SIPA1L3: variants seen among roughly 807,000 people sequenced by gnomAD.
SIPA1L3 encodes signal induced proliferation associated 1 like 3.
In SIPA1L3, 59 loss-of-function variants were observed where a neutral mutation model predicts 150.1. That is an observed-to-expected ratio of 0.39 (90% CI 0.32 to 0.49). The LOEUF is 0.49. Ranked by LOEUF, SIPA1L3 falls within the 20% of genes least tolerant of loss-of-function variation. SIPA1L3 has a pLI of 0.86. For synonymous variants in SIPA1L3, 1,070 were observed against 1,077.6 expected (o/e 0.99, Z 0.14); for missense variants, 2,211 against 2,489.5 (o/e 0.89, Z 2.38).
At chr19:38,152,813 T>C in intron 12 of SIPA1L3, 27 bp from the exon 13 acceptor site, 1 of 1,595,398 alleles carries the variant, frequency 6.3e-7, no homozygotes, top group Non-Finnish European at 8.6e-7. Context: ...TCTTTAACCC[T>C]GGGCACGTTC....
intron 1 of SIPA1L3, among the ~76,000 whole-genome samples, chr19:38,025,084 C>T (rs1392295904): frequency 2.6e-5 from 4 of 152,198 alleles, no homozygotes; most frequent in Non-Finnish European, 4.4e-5. Flanking sequence ...AGTCCCCCTG[C>T]CTTACCACCC....
intron 9 of SIPA1L3, among the ~76,000 whole-genome samples, chr19:38,121,171 G>A (rs917181579): frequency 5.9e-5 from 9 of 151,624 alleles, no homozygotes; most frequent in South Asian, 2.1e-4. Flanking sequence ...GTGAGATGCC[G>A]TTTCTAAAAA....
At chr19:38,067,485 G>A (rs570320569) in intron 2 of SIPA1L3, among the ~76,000 whole-genome samples, 5 of 152,164 alleles carry the variant, frequency 3.3e-5, no homozygotes, top group South Asian at 4.1e-4. Flanking sequence ...ATCCTCAGCC[G>A]GGCGTGGTGG....
chr19:37,919,608 C>A (rs1453125611), intron 1 of SIPA1L3, among the ~76,000 whole-genome samples: 1 of 151,856 alleles, frequency 6.6e-6, no homozygotes, highest in Admixed American at 6.6e-5. Flanking sequence ...ACAAGCAGGA[C>A]CATTCTCACT....
At position 38,082,745 on chromosome 19, in the gene SIPA1L3, G is replaced by A. The variant is rs138009202; in HGVS notation, c.1180G>A (p.Gly394Ser). ...GGCCTCGCGGGCCCACAGCCTCGGAGGCCTGGACCCGGCCTTCACCAGCAC... is the reference window on the plus strand; with the variant it reads ...GGCCTCGCGGGCCCACAGCCTCGGAAGCCTGGACCCGGCCTTCACCAGCAC... ...LTASRAHSLG[G>S]LDPAFTSTED... The change falls in exon 3 of 22, where the codon GGC (glycine) becomes AGC (serine). Residue 394 changes from glycine to serine, a missense_variant. By Grantham distance (56) the Gly-to-Ser change is moderately conservative. Transcript: ENST00000222345. 1.3e-5 allele frequency: 21 copies of A among 1,612,822 alleles called. No individual in the cohort carries two copies. The African/African-American group carries it at 2.7e-4, about 20-fold the overall frequency.
chr19:37,910,912 T>A (rs190243546), intron 1 of SIPA1L3, among the ~76,000 whole-genome samples: 2 of 152,330 alleles, frequency 1.3e-5, no homozygotes, highest in Non-Finnish European at 2.9e-5. Flanking sequence ...TTCCTTTTTT[T>A]AAGGACTATT....
At chr19:38,166,222 A>T (rs1274757712) in intron 15 of SIPA1L3, among the ~76,000 whole-genome samples, 1 of 151,842 alleles carries the variant, frequency 6.6e-6, no homozygotes, top group African/African-American at 2.4e-5. Context: ...TTGGGAGGCC[A>T]AGGCGGGTGG....
chr19:37,919,692 T>C (rs1433316805), intron 1 of SIPA1L3, among the ~76,000 whole-genome samples: 3 of 149,828 alleles, frequency 2.0e-5, no homozygotes, highest in African/African-American at 7.4e-5. Flanking sequence ...CCAGGCCCCT[T>C]TGGGCCCTGA....
chr19:37,968,394 A>G (rs2046924924), intron 1 of SIPA1L3, among the ~76,000 whole-genome samples: 2 of 152,106 alleles, frequency 1.3e-5, no homozygotes, highest in Non-Finnish European at 2.9e-5. Context: ...TAATGGGACA[A>G]TTGCAGTCCT....
At chr19:38,154,062 C>T (rs753950943) in intron 13 of SIPA1L3, among the ~76,000 whole-genome samples, 2 of 152,148 alleles carry the variant, frequency 1.3e-5, no homozygotes, top group Non-Finnish European at 2.9e-5. Flanking sequence ...CCAGTTAGTA[C>T]CCCCAAAGGA....
intron 10 of SIPA1L3, among the ~76,000 whole-genome samples, chr19:38,134,181 A>G (rs1050219705): frequency 1.3e-5 from 2 of 150,652 alleles, no homozygotes; most frequent in African/African-American, 4.9e-5. Context: ...ACGGGGTTTC[A>G]CCTTATTGGC....
chr19:38,119,507 C>T lies in SIPA1L3; in HGVS notation c.2493C>T (p.Asn831=). 2 of 1,614,196 alleles carry T rather than the reference C, an allele frequency of 1.2e-6. No individual in the cohort carries two copies. The highest frequency in any genetic ancestry group is 2.7e-5 in the African/African-American group (2 of 75,050). Residue 831 remains asparagine (N), a synonymous_variant, in exon 9 of 22, where the codon AAC becomes AAT. Transcript: ENST00000222345. The stretch of plus-strand genomic sequence containing the variant: ...AGTATCTCAAGGACCTGGCCGAAAA[C>T]TGTGTCTCCAACACCCCCATCGACT... ...RQEYLKDLAE[N]CVSNTPIDST...
At chr19:38,077,246 T>G (rs1969856861) in intron 2 of SIPA1L3, among the ~76,000 whole-genome samples, 1 of 151,878 alleles carries the variant, frequency 6.6e-6, no homozygotes, top group Non-Finnish European at 1.5e-5. Context: ...AGCCCAGGAG[T>G]TTGATACCAG....
At chr19:38,191,441 A>G (rs1354402089) in intron 16 of SIPA1L3, among the ~76,000 whole-genome samples, 1 of 151,630 alleles carries the variant, frequency 6.6e-6, no homozygotes, top group Non-Finnish European at 1.5e-5. Flanking sequence ...ACACACACAA[A>G]TGACTACATA....
Position 38,082,417 on chromosome 19 carries a change from G to A in SIPA1L3, c.852G>A (p.Arg284=), listed in dbSNP as rs1187473935. 6 of 1,596,922 alleles carry A rather than the reference G, an allele frequency of 3.8e-6. No homozygotes were observed. Among genetic ancestry groups the A allele is most frequent in the Non-Finnish European group, 5.1e-6 (6 of 1,175,618 alleles). ...LQPTKEKEKA[R]KKPARGLGGG... ...CCACGAAGGAGAAGGAGAAGGCCCG[G>A]AAGAAACCTGCGCGGGGCCTCGGCG... The change falls in exon 3 of 22, where the codon CGG becomes CGA. Residue 284 remains arginine, a synonymous_variant. Coordinates refer to ENST00000222345, the MANE Select transcript of SIPA1L3 (RefSeq NM_015073.3).
At chr19:38,176,260 G>A (rs369003183) in intron 15 of SIPA1L3, among the ~76,000 whole-genome samples, 13 of 151,754 alleles carry the variant, frequency 8.6e-5, no homozygotes, top group East Asian at 7.9e-4. Context: ...TGATCCATTC[G>A]CCTCAGCCTC....
At chr19:37,957,007 G>A (rs778724070) in intron 1 of SIPA1L3, among the ~76,000 whole-genome samples, 30 of 151,952 alleles carry the variant, frequency 2.0e-4, no homozygotes, top group Non-Finnish European at 2.5e-4. Context: ...ATCTTTTTGC[G>A]TATTAATATC....
intron 9 of SIPA1L3, among the ~76,000 whole-genome samples, chr19:38,128,195 C>CTT (rs1382947924): frequency 1.3e-5 from 2 of 151,896 alleles, no homozygotes; most frequent in Non-Finnish European, 2.9e-5. Context: ...GCTGGGATTA[C>CTT]AGGCGTATAC....
At chr19:37,965,332 T>C (rs2145581181) in intron 1 of SIPA1L3, among the ~76,000 whole-genome samples, 1 of 151,472 alleles carries the variant, frequency 6.6e-6, no homozygotes, top group East Asian at 1.9e-4. Flanking sequence ...TTTTTTTTTT[T>C]TTGAGAAGGC....
Sources: allele counts gnomAD v4.1 joint callset (sites outside exome capture counted in the v4.1 genomes callset), GRCh38; gene constraint gnomAD v4.1.1; transcripts MANE v1.5; gene names NCBI Gene and HGNC (gene_info 2026-07-23, HGNC 2026-07-21).